The following SOX5 variants were observed in gnomAD, a reference collection of about 807,000 sequenced individuals.
SOX5 encodes the protein SRY-box transcription factor 5, also known as transcription factor SOX-5.
In SOX5, 9 loss-of-function variants were observed where a neutral mutation model predicts 92.0. That is an observed-to-expected ratio of 0.10 (90% CI 0.06 to 0.17). SOX5 has a LOEUF of 0.17. SOX5 is among the 10% of genes least tolerant of loss of function. The pLI is 1.00. For synonymous variants in SOX5, 344 were observed against 336.3 expected, an observed-to-expected ratio of 1.02 and a Z score of -0.25; for missense variants, 642 against 944.5, an observed-to-expected ratio of 0.68 and a Z score of 4.20.
chr12:23,549,598 C>T (rs948313060), intron 11 of SOX5, among the ~76,000 whole-genome samples: 20 of 151,976 alleles, frequency 1.3e-4, no homozygotes, highest in Non-Finnish European at 2.7e-4. Flanking sequence ...ATTCTAAATG[C>T]GCTGAATGAT....
chr12:23,791,343 T>C (rs774370810), intron 3 of SOX5, among the ~76,000 whole-genome samples: 1 of 152,240 alleles, frequency 6.6e-6, no homozygotes, highest in East Asian at 1.9e-4. Context: ...CAGGCTGGAA[T>C]GCAGTGGCTA....
intron 3 of SOX5, among the ~76,000 whole-genome samples, chr12:24,216,939 A>G (rs1166408526): frequency 1.3e-5 from 2 of 152,192 alleles, no homozygotes; most frequent in African/African-American, 2.4e-5. Flanking sequence ...AAAATCAAAT[A>G]AAACTACGAA....
chr12:24,031,723 A>C (rs915210378), intron 4 of SOX5, among the ~76,000 whole-genome samples: 1 of 151,858 alleles, frequency 6.6e-6, no homozygotes, highest in African/African-American at 2.4e-5. Flanking sequence ...CATCCTAAAG[A>C]ATGAGAATCA....
chr12:24,195,736 A>G (rs1177639719), intron 4 of SOX5, among the ~76,000 whole-genome samples: 1 of 152,208 alleles, frequency 6.6e-6, no homozygotes, highest in African/African-American at 2.4e-5. Flanking sequence ...GAATCTGAAA[A>G]GTCTATAAAT....
chr12:24,147,047 C>T (rs1951165372), intron 4 of SOX5, among the ~76,000 whole-genome samples: 1 of 152,064 alleles, frequency 6.6e-6, no homozygotes, highest in South Asian at 2.1e-4. Context: ...TTCTGCTAAT[C>T]ACTTAAGAAA....
At chr12:23,841,461 T>C (rs1330063961) in intron 3 of SOX5, among the ~76,000 whole-genome samples, 1 of 152,058 alleles carries the variant, frequency 6.6e-6, no homozygotes, top group Non-Finnish European at 1.5e-5. Flanking sequence ...CCCAATTGGG[T>C]TGAAATCTTA....
intron 7 of SOX5, among the ~76,000 whole-genome samples, chr12:23,642,449 G>A (rs12809910): frequency 6.6e-6 from 1 of 152,186 alleles, no homozygotes; most frequent in African/African-American, 2.4e-5. Flanking sequence ...TGATGTTTAA[G>A]CTGAAACTTG....
chr12:24,323,895 G>A (rs1320278063), intron 2 of SOX5, among the ~76,000 whole-genome samples: 1 of 152,052 alleles, frequency 6.6e-6, no homozygotes, highest in East Asian at 1.9e-4. Context: ...CACTTCCTTA[G>A]CTAAGTTTCT....
chr12:23,659,013 C>T (rs2082682416), intron 7 of SOX5, among the ~76,000 whole-genome samples: 1 of 152,188 alleles, frequency 6.6e-6, no homozygotes, highest in African/African-American at 2.4e-5. Flanking sequence ...CAACACATTT[C>T]CTATTTTGTC....
At chr12:24,212,377 A>G (rs1340052015) in intron 4 of SOX5, 2 of 532,574 alleles carry the variant, frequency 3.8e-6, no homozygotes, top group Non-Finnish European at 7.7e-6. Flanking sequence ...CTGAAGGACA[A>G]AGACATTTAT....
intron 7 of SOX5, among the ~76,000 whole-genome samples, chr12:23,646,738 T>C (rs770671310): frequency 6.6e-6 from 1 of 152,234 alleles, no homozygotes; most frequent in Non-Finnish European, 1.5e-5. Context: ...TGCTCATTCA[T>C]AAGAAGAAAC....
At chr12:24,066,098 GAACT>G (rs1357380375) in intron 4 of SOX5, among the ~76,000 whole-genome samples, 3 of 151,918 alleles carry the variant, frequency 2.0e-5, no homozygotes, top group Non-Finnish European at 2.9e-5. Flanking sequence ...AATAAATACA[GAACT>G]AACAAATGCA....
At chr12:23,858,088 T>C (rs895681040) in intron 2 of SOX5, among the ~76,000 whole-genome samples, 1 of 152,064 alleles carries the variant, frequency 6.6e-6, no homozygotes, top group Non-Finnish European at 1.5e-5. Context: ...TGTGTGTGTG[T>C]GTATATGCAA....
At position 23,832,517 on chromosome 12, in the gene SOX5, A is replaced by G. The variant is rs2096344980; in HGVS notation, c.481+13466T>C. Among the ~76,000 whole-genome samples, 2 of 152,036 alleles carry G rather than the reference A, an allele frequency of 1.3e-5. 1 individual carries two copies. Among genetic ancestry groups the G allele is most frequent in the Admixed American group, 1.3e-4 (2 of 15,216 alleles). On this transcript the variant is annotated intron_variant, in intron 3 of 14. Transcript: ENST00000451604. Reference sequence around the variant, plus strand: ...AAAGGAGAATTATATTGAAATACATAATGTTTCTGGTATATCTAAAGTAAC... The same window carrying G: ...AAAGGAGAATTATATTGAAATACATGATGTTTCTGGTATATCTAAAGTAAC...
chr12:23,697,609 G>A (rs1475121855), intron 6 of SOX5, among the ~76,000 whole-genome samples: 1 of 152,074 alleles, frequency 6.6e-6, no homozygotes, highest in Non-Finnish European at 1.5e-5. Context: ...GGAGTGCTGT[G>A]GTGCTATGGC....
At chr12:23,876,877 A>G (rs2096933184) in intron 2 of SOX5, among the ~76,000 whole-genome samples, 1 of 152,194 alleles carries the variant, frequency 6.6e-6, no homozygotes, top group Non-Finnish European at 1.5e-5. Context: ...CATAATTCTC[A>G]GCAAACTAAC....
intron 4 of SOX5, among the ~76,000 whole-genome samples, chr12:24,046,273 C>A (rs201495587): frequency 1.0e-4 from 4 of 39,068 alleles, no homozygotes; most frequent in African/African-American, 3.0e-4. Context: ...AAAAGCGAAA[C>A]TTGGGGCGGG....
At chr12:23,689,547 C>T (rs1225930246) in intron 6 of SOX5, among the ~76,000 whole-genome samples, 1 of 152,094 alleles carries the variant, frequency 6.6e-6, no homozygotes, top group Non-Finnish European at 1.5e-5. Context: ...GTTCTGATCA[C>T]CTCTTCTCAT....
chr12:23,846,399 T>A (rs1391135849), intron 2 of SOX5, among the ~76,000 whole-genome samples: 1 of 152,052 alleles, frequency 6.6e-6, no homozygotes, highest in Non-Finnish European at 1.5e-5. Context: ...CCAAGAAATT[T>A]CAAAAAAGAA....
Sources: allele counts gnomAD v4.1 joint callset (sites outside exome capture counted in the v4.1 genomes callset), GRCh38; gene constraint gnomAD v4.1.1; transcripts MANE v1.5; gene names NCBI Gene and HGNC (gene_info 2026-07-23, HGNC 2026-07-21).